Variants in DGKB observed in about 807,000 individuals in gnomAD.
DGKB encodes 90 kDa diacylglycerol kinase.
DGKB carries 67 observed loss-of-function variants against 114.3 expected under a neutral mutation model. The observed-to-expected ratio is 0.59, with a 90% CI of 0.48 to 0.72. The LOEUF is 0.72. Among genes scored for constraint, DGKB ranks in the 30% least tolerant of loss-of-function variants. DGKB has a pLI of 0.00. For missense variants in DGKB, 907 were observed against 975.2 expected (o/e 0.93, Z 0.93); for synonymous variants, 398 against 323.1 (o/e 1.23, Z -2.49).
At chr7:14,579,650 T>A (rs1418281849) in intron 19 of DGKB, among the ~76,000 whole-genome samples, 1 of 152,182 alleles carries the variant, frequency 6.6e-6, no homozygotes, top group Non-Finnish European at 1.5e-5. Context: ...AGTATATTCT[T>A]ACTGAACATC....
At chr7:14,855,201 G>A (rs938075964) in intron 1 of DGKB, among the ~76,000 whole-genome samples, 5 of 152,164 alleles carry the variant, frequency 3.3e-5, no homozygotes, top group African/African-American at 4.8e-5. Flanking sequence ...CAGAGAAATA[G>A]CATGCCTCAG....
chr7:14,906,517 G>C (rs1009232384), upstream of DGKB, among the ~76,000 whole-genome samples: 2 of 136,612 alleles, frequency 1.5e-5, no homozygotes, highest in African/African-American at 5.3e-5. Flanking sequence ...GCAATGATGT[G>C]ATCTCGGCTC....
intron 20 of DGKB, among the ~76,000 whole-genome samples, chr7:14,545,788 G>C (rs1794191436): frequency 6.6e-6 from 1 of 152,182 alleles, no homozygotes; most frequent in African/African-American, 2.4e-5. Flanking sequence ...AAGAGGGCAG[G>C]AAACTTGTTA....
At chr7:14,595,171 G>T (rs1802357169) in intron 17 of DGKB, among the ~76,000 whole-genome samples, 1 of 152,056 alleles carries the variant, frequency 6.6e-6, no homozygotes, top group Non-Finnish European at 1.5e-5. Context: ...ACAGAAGTGA[G>T]GAGAAATTGA....
intron 24 of DGKB, 125 bp downstream of exon 24, chr7:14,177,906 A>C (rs968511405): frequency 2.1e-6 from 2 of 935,286 alleles, no homozygotes; most frequent in Admixed American, 6.9e-5. Context: ...GAAATATATT[A>C]GTATTAATAA....
chr7:14,512,913 A>ATTCC (rs568376405), intron 20 of DGKB, among the ~76,000 whole-genome samples: 2 of 152,068 alleles, frequency 1.3e-5, no homozygotes, highest in Non-Finnish European at 2.9e-5. Context: ...TCTCTTCTAT[A>ATTCC]TTCCTTCCTT....
At chr7:14,235,064 C>T (rs1160927907) in intron 23 of DGKB, among the ~76,000 whole-genome samples, 1 of 152,080 alleles carries the variant, frequency 6.6e-6, no homozygotes, top group Admixed American at 6.6e-5. Flanking sequence ...CTCAGACTGA[C>T]TTCTCTTCTT....
At chr7:14,172,344 T>C (rs563333309) in intron 25 of DGKB, among the ~76,000 whole-genome samples, 4 of 152,072 alleles carry the variant, frequency 2.6e-5, no homozygotes, top group Non-Finnish European at 5.9e-5. Flanking sequence ...ATGGACTTAA[T>C]TGGAACAAAA....
chr7:14,708,758 C>T (rs1399829875), intron 6 of DGKB, among the ~76,000 whole-genome samples: 2 of 150,338 alleles, frequency 1.3e-5, no homozygotes, highest in African/African-American at 5.0e-5. Flanking sequence ...AACTGGCTAG[C>T]CATACGTAGA....
At chr7:14,590,516 C>G (rs1166748861) in intron 17 of DGKB, among the ~76,000 whole-genome samples, 2 of 152,048 alleles carry the variant, frequency 1.3e-5, no homozygotes, top group African/African-American at 4.8e-5. Flanking sequence ...CAGCATCCTA[C>G]CCCCAAACAT....
At position 14,698,188 on chromosome 7, in the gene DGKB, T is replaced by TA. The variant is rs1824420692; in HGVS notation, c.517-20dup. 1.4e-6 allele frequency: 2 copies of TA among 1,434,364 alleles called. No individual in the cohort carries two copies. Among genetic ancestry groups the TA allele is most frequent in the South Asian group, 1.3e-5 (1 of 75,768 alleles). 88.9% of individuals were successfully genotyped at this position (1,434,364 alleles called of 1,614,324 possible). A position where few individuals can be genotyped will look rare whatever the true frequency, so the allele number is the denominator to read the frequency against. Reference sequence around the variant, plus strand: ...CTAGCTCCTGGAAGAGAAAGAGAGATAAAAAATATGAATACAAGATCTTAG... The same window carrying TA: ...CTAGCTCCTGGAAGAGAAAGAGAGATAAAAAAATATGAATACAAGATCTTAG... On this transcript the variant is annotated intron_variant, in intron 7 of 25. Coordinates refer to ENST00000402815, the MANE Select transcript of DGKB (RefSeq NM_001350709.2).
rs557745313 is a variant in DGKB at position 14,284,798 on chromosome 7, G to T, written c.2122+53717C>A. 4.7e-5 allele frequency among the ~76,000 whole-genome samples: 7 copies of T among 148,906 alleles called. No homozygotes were observed. The South Asian group carries it at 1.5e-3, about 32-fold the overall frequency. On this transcript the variant is annotated intron_variant, in intron 23 of 25. Transcript: ENST00000402815. The stretch of plus-strand genomic sequence containing the variant: ...ACACTGCATAATCTCACTCATAGGT[G>T]GGAATTGAACAATGAGATTGCATGG...
chr7:14,869,532 C>A (rs1390988537), intron 1 of DGKB, among the ~76,000 whole-genome samples: 1 of 152,004 alleles, frequency 6.6e-6, no homozygotes, highest in Non-Finnish European at 1.5e-5. Flanking sequence ...AATGCTCATT[C>A]TTGAAAAAAT....
At chr7:14,261,847 T>C (rs1013933838) in intron 23 of DGKB, among the ~76,000 whole-genome samples, 1 of 152,164 alleles carries the variant, frequency 6.6e-6, no homozygotes, top group African/African-American at 2.4e-5. Flanking sequence ...AAGCTTACAT[T>C]CCATATTTTT....
intron 13 of DGKB, among the ~76,000 whole-genome samples, chr7:14,672,429 G>A: frequency 6.6e-6 from 1 of 151,828 alleles, no homozygotes; most frequent in Middle Eastern, 3.2e-3. Context: ...TATTTTGCAG[G>A]TAGTTAAATT....
intron 1 of DGKB, among the ~76,000 whole-genome samples, chr7:14,941,688 C>G (rs1385561508): frequency 2.0e-5 from 3 of 151,712 alleles, no homozygotes; most frequent in African/African-American, 7.3e-5. Context: ...TTTGAGAAAC[C>G]GGGTAGCAAA....
chr7:14,838,190 C>T (rs889248870), intron 2 of DGKB, among the ~76,000 whole-genome samples: 5 of 152,032 alleles, frequency 3.3e-5, no homozygotes, highest in African/African-American at 1.2e-4. Context: ...AATGTACCTC[C>T]ATATTCATTA....
chr7:14,951,963 A>T (rs1786223725), intron 1 of DGKB, among the ~76,000 whole-genome samples: 1 of 152,058 alleles, frequency 6.6e-6, no homozygotes, highest in Non-Finnish European at 1.5e-5. Context: ...CCCCTACCCC[A>T]TTGATATGCT....
At chr7:14,747,011 T>A (rs892007639) in intron 4 of DGKB, among the ~76,000 whole-genome samples, 2 of 151,936 alleles carry the variant, frequency 1.3e-5, no homozygotes, top group Non-Finnish European at 2.9e-5. Flanking sequence ...GGAGTAAAAA[T>A]TTCCTCAATT....
Sources: allele counts gnomAD v4.1 joint callset (sites outside exome capture counted in the v4.1 genomes callset), GRCh38; gene constraint gnomAD v4.1.1; transcripts MANE v1.5; gene names NCBI Gene and HGNC (gene_info 2026-07-23, HGNC 2026-07-21).